Variants in BNC2 observed in about 807,000 individuals in gnomAD.
BNC2 encodes zinc finger protein basonuclin-2.
BNC2 carries 20 observed loss-of-function variants against 76.3 expected under a neutral mutation model. The ratio of observed to expected loss-of-function variants is 0.26; its 90% CI spans 0.18 to 0.38. BNC2 has a LOEUF of 0.38. Among genes scored for constraint, BNC2 ranks in the 10% least tolerant of loss-of-function variants. The probability of loss-of-function intolerance (pLI) is 1.00; values close to 1 mark genes in which losing one functional copy is unlikely to be tolerated. For missense variants in BNC2, 1,382 were observed against 1,399.8 expected, an observed-to-expected ratio of 0.99 and a Z score of 0.20; for synonymous variants, 582 against 514.8, an observed-to-expected ratio of 1.13 and a Z score of -1.77.
chr9:16,749,061 T>A (rs912061482), intron 1 of BNC2, among the ~76,000 whole-genome samples: 2 of 36,290 alleles, frequency 5.5e-5, no homozygotes, highest in African/African-American at 1.2e-4. Flanking sequence ...TCTTAGAAAT[T>A]CAGTATGTAA....
Position 16,736,336 on chromosome 9 carries a change from T to G in BNC2, c.129+2024A>C, listed in dbSNP as rs1341169270. On this transcript the variant is annotated intron_variant, in intron 2 of 6. Coordinates refer to ENST00000380672, the MANE Select transcript of BNC2 (RefSeq NM_017637.6). ...GAATTATCACAGGAAAAAGCAACAC[T>G]AAAAATGATACTCCTTCATATGCAA... 2.0e-5 allele frequency among the ~76,000 whole-genome samples: 3 copies of G among 151,850 alleles called. No homozygotes were observed. In the East Asian group the frequency reaches 5.8e-4, roughly 29 times the overall value.
intron 3 of BNC2, among the ~76,000 whole-genome samples, chr9:16,715,345 A>T (rs748417896): frequency 1.3e-5 from 2 of 152,228 alleles, no homozygotes; most frequent in Non-Finnish European, 2.9e-5. Flanking sequence ...CCAGAAATAT[A>T]TTTACTAAAC....
intron 6 of BNC2, among the ~76,000 whole-genome samples, chr9:16,425,070 C>T (rs563826183): frequency 2.0e-5 from 3 of 152,136 alleles, no homozygotes; most frequent in East Asian, 1.9e-4. Flanking sequence ...CTCAAAAAGC[C>T]CCAAATGTAA....
intron 1 of BNC2, among the ~76,000 whole-genome samples, chr9:16,803,720 T>C (rs553473375): frequency 1.3e-5 from 2 of 152,364 alleles, no homozygotes; most frequent in African/African-American, 4.8e-5. Flanking sequence ...GATTTGGTAG[T>C]GTCATTTGCA....
At chr9:16,774,941 A>T (rs1825924001) in intron 1 of BNC2, among the ~76,000 whole-genome samples, 1 of 152,180 alleles carries the variant, frequency 6.6e-6, no homozygotes, top group South Asian at 2.1e-4. Flanking sequence ...TGCTTTTACT[A>T]AAATATGCTC....
intron 3 of BNC2, among the ~76,000 whole-genome samples, chr9:16,628,391 A>C (rs1390385295): frequency 1.3e-5 from 2 of 152,176 alleles, no homozygotes; most frequent in Non-Finnish European, 2.9e-5. Flanking sequence ...AAAAACCTTA[A>C]GTTTTCAGAA....
chr9:16,557,592 A>G (rs1408646982), intron 4 of BNC2, among the ~76,000 whole-genome samples: 1 of 152,150 alleles, frequency 6.6e-6, no homozygotes, highest in African/African-American at 2.4e-5. Context: ...TTCTAGGTGA[A>G]GCTGGAGTAA....
intron 3 of BNC2, among the ~76,000 whole-genome samples, chr9:16,596,594 G>A (rs1055169886): frequency 1.1e-4 from 16 of 152,132 alleles, no homozygotes; most frequent in Non-Finnish European, 2.1e-4. Flanking sequence ...TTACAGAGAA[G>A]CAGGCAGAAG....
At chr9:16,507,884 T>C (rs1392502428) in intron 5 of BNC2, among the ~76,000 whole-genome samples, 2 of 152,188 alleles carry the variant, frequency 1.3e-5, no homozygotes, top group Non-Finnish European at 2.9e-5. Flanking sequence ...GCGGCCAAAC[T>C]ATTGAGAACA....
intron 1 of BNC2, chr9:16,868,243 C>T (rs1013331076): frequency 1.3e-5 from 2 of 152,118 alleles, no homozygotes; most frequent in Admixed American, 6.6e-5. Context: ...AATTGCACAA[C>T]CATGAAACAT....
At chr9:16,621,517 T>C (rs1035822755) in intron 3 of BNC2, among the ~76,000 whole-genome samples, 1 of 152,218 alleles carries the variant, frequency 6.6e-6, no homozygotes, top group Non-Finnish European at 1.5e-5. Context: ...TAGAGCAATG[T>C]GCTTCTATTA....
chr9:16,547,961 A>G (rs1818538812), intron 5 of BNC2, among the ~76,000 whole-genome samples: 1 of 152,194 alleles, frequency 6.6e-6, no homozygotes, highest in Non-Finnish European at 1.5e-5. Context: ...CTGGACCTCT[A>G]AAAGACGGAT....
At chr9:16,491,077 C>T (rs1822269552) in intron 5 of BNC2, among the ~76,000 whole-genome samples, 1 of 152,012 alleles carries the variant, frequency 6.6e-6, no homozygotes, top group Non-Finnish European at 1.5e-5. Context: ...GTGGTGGGTT[C>T]CCACAGGGCA....
intron 3 of BNC2, among the ~76,000 whole-genome samples, chr9:16,628,562 G>A (rs1029913284): frequency 3.9e-5 from 6 of 152,154 alleles, no homozygotes; most frequent in Admixed American, 2.0e-4. Context: ...AACAGGGGGA[G>A]GAACGGCACA....
intron 3 of BNC2, among the ~76,000 whole-genome samples, chr9:16,684,537 T>C (rs1276492949): frequency 1.3e-5 from 2 of 152,188 alleles, no homozygotes; most frequent in South Asian, 2.1e-4. Flanking sequence ...TCTCACTGCA[T>C]AGAAGTCCAT....
intron 5 of BNC2, among the ~76,000 whole-genome samples, chr9:16,485,562 C>T (rs369923049): frequency 2.0e-5 from 3 of 152,150 alleles, no homozygotes; most frequent in African/African-American, 4.8e-5. Flanking sequence ...GTCCTCCACC[C>T]CACTGGGCTC....
chr9:16,778,301 T>G (rs1212941420), intron 1 of BNC2, among the ~76,000 whole-genome samples: 2 of 152,048 alleles, frequency 1.3e-5, no homozygotes, highest in Non-Finnish European at 2.9e-5. Flanking sequence ...CCCAAAGGAG[T>G]GCTGCTGCCT....
At chr9:16,537,180 T>C (rs1185993582) in intron 5 of BNC2, among the ~76,000 whole-genome samples, 1 of 152,178 alleles carries the variant, frequency 6.6e-6, no homozygotes, top group Non-Finnish European at 1.5e-5. Flanking sequence ...TATACATTTA[T>C]TCTGCAGGAA....
chr9:16,674,953 C>A (rs113835645), intron 3 of BNC2, among the ~76,000 whole-genome samples: 1 of 152,184 alleles, frequency 6.6e-6, no homozygotes, highest in African/African-American at 2.4e-5. Flanking sequence ...GTTTAAGAAT[C>A]GGCATTTGAG....
Sources: allele counts gnomAD v4.1 joint callset (sites outside exome capture counted in the v4.1 genomes callset), GRCh38; gene constraint gnomAD v4.1.1; transcripts MANE v1.5; gene names NCBI Gene and HGNC (gene_info 2026-07-23, HGNC 2026-07-21).